Variants in RIOK3 observed in about 807,000 individuals in gnomAD.
RIOK3 encodes the protein serine/threonine-protein kinase RIO3.
Under a neutral mutation model 63.5 loss-of-function variants are expected in RIOK3, and 40 were observed. The observed-to-expected ratio is 0.63, with a 90% CI of 0.49 to 0.82. The LOEUF (loss-of-function observed/expected upper bound fraction) is 0.82, where lower values mean the gene tolerates loss of function less well. Ranked by LOEUF, RIOK3 falls within the 40% of genes least tolerant of loss-of-function variation. The pLI is 0.00. For missense variants in RIOK3, 557 were observed against 637.0 expected, an observed-to-expected ratio of 0.87 and a Z score of 1.35; for synonymous variants, 193 against 205.0, an observed-to-expected ratio of 0.94 and a Z score of 0.50.
chr18:23,480,171 T>C (rs1267363186), intron 12 of RIOK3, among the ~76,000 whole-genome samples: 3 of 152,176 alleles, frequency 2.0e-5, no homozygotes, highest in Non-Finnish European at 2.9e-5. Flanking sequence ...CTCTTAAAAT[T>C]GAACAAAATC....
intron 1 of RIOK3, among the ~76,000 whole-genome samples, chr18:23,459,024 G>A (rs1217218208): frequency 6.6e-6 from 1 of 152,134 alleles, no homozygotes; most frequent in East Asian, 1.9e-4. Flanking sequence ...CTAGAGTCTA[G>A]GGTCAGTAGG....
At chr18:23,458,515 T>C (rs2145669923) in intron 1 of RIOK3, among the ~76,000 whole-genome samples, 1 of 152,324 alleles carries the variant, frequency 6.6e-6, no homozygotes, top group Non-Finnish European at 1.5e-5. Flanking sequence ...GTAGAATCGC[T>C]GACTGGAAAG....
rs2057538180 is a variant in RIOK3, at chr18:23,481,984, A to T, written c.*705A>T. 6.6e-6 allele frequency: 1 copy of T among 152,198 alleles called. No homozygotes were observed. Among genetic ancestry groups the T allele is most frequent in the South Asian group, 2.1e-4 (1 of 4,836 alleles). The allele number at this position is 152,198 out of a possible 1,614,324, so 9.4% of individuals were successfully genotyped here. A position where few individuals can be genotyped will look rare whatever the true frequency, so the allele number is the denominator to read the frequency against. On this transcript the variant is annotated 3_prime_UTR_variant, in exon 13 of 13. Transcript: ENST00000339486. ...TCCAGTCAACTTTCAGCTTTTCTAC[A>T]TTTAGGTAAAATGGTTAGGATATAA...
At position 23,477,051 on chromosome 18, in the gene RIOK3, C is replaced by G. The variant is rs143494181; in HGVS notation, c.1219C>G (p.Leu407Val). The G allele has an allele frequency of 4.3e-6, 7 of 1,613,868 alleles. No homozygotes were observed. Among genetic ancestry groups the G allele is most frequent in the Non-Finnish European group, 3.4e-6 (4 of 1,179,956 alleles). ...TGAATGTACGCTTGTCCATGCTGAC[C>G]TCAGTGAGTATAACATGCTGTGGCA... ...YHECTLVHAD[L>V]SEYNMLWHAG... Residue 407 changes from leucine to valine, a missense_variant, in exon 10 of 13, where the codon CTC becomes GTC. Around this residue, in one of 3 missense-constraint regions of RIOK3, gnomAD observed 309 missense variants for 338.7 expected, o/e 0.91. Coordinates refer to ENST00000339486, the MANE Select transcript of RIOK3 (RefSeq NM_003831.5).
intron 5 of RIOK3, among the ~76,000 whole-genome samples, chr18:23,465,366 T>G (rs6507694): frequency 6.6e-6 from 1 of 152,156 alleles, no homozygotes; most frequent in Non-Finnish European, 1.5e-5. Flanking sequence ...AGTGAAACTC[T>G]GCCTCAAAAA....
rs2057417529 is a variant in RIOK3 at position 23,467,515 on chromosome 18, A to C, written c.804A>C (p.Ala268=). The C allele has an allele frequency of 1.9e-6, 3 of 1,612,948 alleles. No individual in the cohort carries two copies. Among genetic ancestry groups the C allele is most frequent in the Non-Finnish European group, 2.5e-6 (3 of 1,179,434 alleles). Residue 268 remains alanine, a synonymous_variant, in exon 7 of 13, where the codon GCA becomes GCC. Transcript: ENST00000339486. ...STGKESVVFH[A]YGGSMEDEKE... ...GAAAGGAGTCTGTTGTCTTTCATGC[A>C]TATGGAGGGAGGTAAATGAGCAAAA...
At chr18:23,480,555 G>GCGCACACACA (rs779698307) in intron 12 of RIOK3, among the ~76,000 whole-genome samples, 5,589 of 142,030 alleles carry the variant, frequency 0.039, 189 homozygotes, top group East Asian at 0.19. Context: ...TTGGATGCAC[G>GCGCACACACA]CACACACACA....
intron 8 of RIOK3, among the ~76,000 whole-genome samples, chr18:23,474,093 C>T (rs1024116515): frequency 6.6e-6 from 1 of 152,128 alleles, no homozygotes; most frequent in African/African-American, 2.4e-5. Context: ...CCAAGAAATT[C>T]AGTAATAATC....
intron 1 of RIOK3, among the ~76,000 whole-genome samples, chr18:23,462,098 AAAAG>A (rs1181043711): frequency 3.0e-5 from 4 of 132,174 alleles, no homozygotes; most frequent in African/African-American, 1.1e-4. Context: ...CAAAAAAAAA[AAAAG>A]AAATAAAATT....
rs760189808 is a variant in RIOK3 at position 23,467,383 on chromosome 18, G to A, written c.688-16G>A. 4 of 1,606,954 alleles carry A rather than the reference G, an allele frequency of 2.5e-6. No homozygotes were observed. Among genetic ancestry groups the A allele is most frequent in the Non-Finnish European group, 8.5e-7 (1 of 1,176,468 alleles). ...ATTAGCAGTCATTTTCACTTACAGTGCTTTATCTCTTGCAGGAAAAAGCAG... is the reference window on the plus strand; with the variant it reads ...ATTAGCAGTCATTTTCACTTACAGTACTTTATCTCTTGCAGGAAAAAGCAG... On this transcript the variant is annotated splice_polypyrimidine_tract_variant and intron_variant, in intron 6 of 12. Coordinates refer to ENST00000339486, the MANE Select transcript of RIOK3 (RefSeq NM_003831.5).
At chr18:23,474,531 C>G (rs1368091585) in intron 8 of RIOK3, among the ~76,000 whole-genome samples, 1 of 152,120 alleles carries the variant, frequency 6.6e-6, no homozygotes, top group Non-Finnish European at 1.5e-5. Flanking sequence ...GTCTTTGTAG[C>G]CTCAGCCCAC....
rs181969543 is a variant in RIOK3, at chr18:23,467,934, C to T, written c.815+408C>T. Among the ~76,000 whole-genome samples, 437 of 152,232 alleles carry T rather than the reference C, an allele frequency of 2.9e-3. 3 individuals are homozygous for T. Among genetic ancestry groups the T allele is most frequent in the African/African-American group, 9.4e-3 (391 of 41,556 alleles). On this transcript the variant is annotated intron_variant, in intron 7 of 12. Coordinates refer to ENST00000339486, the MANE Select transcript of RIOK3 (RefSeq NM_003831.5). The stretch of plus-strand genomic sequence containing the variant: ...CTGGGATTACAGGCACATGCCACCA[C>T]GCCTGGCTAATTTTTGTATTTTTAG...
In RIOK3 at chr18:23,464,098, A is replaced by T. The variant is rs1460732073; in HGVS notation, c.311A>T (p.Asn104Ile). 6.2e-7 allele frequency: 1 copy of T among 1,610,886 alleles called. No homozygotes were observed. Among genetic ancestry groups the T allele is most frequent in the African/African-American group, 1.3e-5 (1 of 74,720 alleles). ...CTTAGGCGTGAAGAAAAAAAATTCA[A>T]TGGAGATAGCAAAGGTATTATAACC... is the stretch of plus-strand genomic sequence containing the variant. ...AQLRREEKKF[N>I]GDSKVSISFE... Residue 104 changes from asparagine to isoleucine, a missense_variant, in exon 3 of 13, where the codon AAT becomes ATT. By Grantham distance (149) the Asn-to-Ile change is moderately radical. Coordinates refer to ENST00000339486, the MANE Select transcript of RIOK3 (RefSeq NM_003831.5).
chr18:23,461,093 C>G (rs1465075150), intron 1 of RIOK3, among the ~76,000 whole-genome samples: 1 of 152,166 alleles, frequency 6.6e-6, no homozygotes, highest in African/African-American at 2.4e-5. Context: ...TTTAGGTGCT[C>G]CACCCAAACA....
At chr18:23,470,432 T>A (rs887795885) in intron 7 of RIOK3, among the ~76,000 whole-genome samples, 2 of 152,134 alleles carry the variant, frequency 1.3e-5, no homozygotes, top group Non-Finnish European at 2.9e-5. Flanking sequence ...GTATATCATC[T>A]ATTTAAATTT....
intron 1 of RIOK3, 116 bp downstream of exon 1, chr18:23,453,618 G>T (rs8086258): frequency 5.5e-6 from 5 of 905,530 alleles, no homozygotes; most frequent in South Asian, 2.7e-5. Flanking sequence ...GGGACCCCGC[G>T]GACCTCGGCA....
At chr18:23,476,200 A>C (rs774613241) in intron 9 of RIOK3, among the ~76,000 whole-genome samples, 2 of 152,188 alleles carry the variant, frequency 1.3e-5, no homozygotes, top group African/African-American at 4.8e-5. Context: ...GTTGGAAGGC[A>C]TGTTGGGAAT....
Position 23,466,229 on chromosome 18 carries a change from G to T in RIOK3, c.640G>T (p.Glu214Ter), listed in dbSNP as rs1188871402. The part of the protein sequence containing the change: ...NALKQHAYSE[E>*]RRSARLHEKK... ...TTTAAAACAACATGCCTACTCAGAAGAACGTCGAAGTGCCCGCCTACATGA... is the reference window on the plus strand; with the variant it reads ...TTTAAAACAACATGCCTACTCAGAATAACGTCGAAGTGCCCGCCTACATGA... The change falls in exon 6 of 13, where the codon GAA becomes TAA. Residue 214 changes from glutamate (E) to a stop codon, truncating the protein, a stop_gained. Transcript: ENST00000339486. LOFTEE classifies it high-confidence loss of function. 1 of 1,612,282 alleles carries T rather than the reference G, an allele frequency of 6.2e-7. No individual in the cohort carries two copies. The highest frequency in any genetic ancestry group is 8.5e-7 in the Non-Finnish European group (1 of 1,179,228).
chr18:23,470,346 CAG>C (rs920325962), intron 7 of RIOK3, among the ~76,000 whole-genome samples: 1 of 145,978 alleles, frequency 6.9e-6, no homozygotes, highest in Non-Finnish European at 1.5e-5. Context: ...GCCTGGGTGA[CAG>C]AGCAAGATTC....
Sources: gnomAD v4.1 joint callset for allele counts (sites outside exome capture counted in the v4.1 genomes callset) on GRCh38, gnomAD v4.1.1 for gene constraint, gnomAD v4.1.1 regional missense constraint, MANE v1.5 for transcripts, NCBI Gene and HGNC (gene_info 2026-07-23, HGNC 2026-07-21) for gene names.